The following STK32B variants were observed in gnomAD, a reference collection of about 807,000 sequenced individuals.
The protein encoded by STK32B is serine/threonine-protein kinase 32B.
Under a neutral mutation model 52.6 loss-of-function variants are expected in STK32B, and 43 were observed. The ratio of observed to expected loss-of-function variants is 0.82; its 90% CI spans 0.64 to 1.05. STK32B has a LOEUF of 1.05. Among genes scored for constraint, STK32B ranks in the 50% least tolerant of loss-of-function variants. The probability of loss-of-function intolerance (pLI) is 0.00; values close to 1 mark genes in which losing one functional copy is unlikely to be tolerated. For synonymous variants in STK32B, 238 were observed against 204.3 expected (o/e 1.17, Z -1.41); for missense variants, 621 against 534.6 (o/e 1.16, Z -1.59).
chr4:5,332,886 A>T (rs2108956878), intron 4 of STK32B, among the ~76,000 whole-genome samples: 1 of 152,272 alleles, frequency 6.6e-6, no homozygotes, highest in East Asian at 1.9e-4. Context: ...TTCTTAATCC[A>T]GTTTATCATT....
intron 3 of STK32B, among the ~76,000 whole-genome samples, chr4:5,252,071 A>G (rs1427708958): frequency 2.0e-5 from 3 of 152,196 alleles, no homozygotes; most frequent in Non-Finnish European, 4.4e-5. Context: ...CTTTGAAGAA[A>G]TCCAGCTCAA....
intron 4 of STK32B, among the ~76,000 whole-genome samples, chr4:5,335,078 T>A (rs1249309525): frequency 2.0e-5 from 3 of 152,214 alleles, no homozygotes; most frequent in Non-Finnish European, 4.4e-5. Flanking sequence ...GTACCTCTGG[T>A]AGAATTCGGC....
At chr4:5,151,726 A>G (rs973414816) in intron 2 of STK32B, among the ~76,000 whole-genome samples, 1 of 152,168 alleles carries the variant, frequency 6.6e-6, no homozygotes, top group Non-Finnish European at 1.5e-5. Context: ...TGATGCTAAT[A>G]TATGTTAGTG....
At chr4:5,144,436 G>T (rs1403342685) in intron 2 of STK32B, among the ~76,000 whole-genome samples, 1 of 152,152 alleles carries the variant, frequency 6.6e-6, no homozygotes, top group Non-Finnish European at 1.5e-5. Flanking sequence ...GACTTTAACT[G>T]AATGTGCTTT....
At chr4:5,496,548 C>CCTGCTTCTGCTCGCGCACGGTGCA (rs61698429) in intron 11 of STK32B, among the ~76,000 whole-genome samples, 3 of 137,918 alleles carry the variant, frequency 2.2e-5, no homozygotes, top group Admixed American at 1.4e-4. Context: ...AATGCCTTGC[C>CCTGCTTCTGCTCGCGCACGGTGCA]CTGCACCCAC....
intron 3 of STK32B, among the ~76,000 whole-genome samples, chr4:5,245,324 A>C (rs937791488): frequency 9.2e-5 from 14 of 152,112 alleles, no homozygotes; most frequent in Non-Finnish European, 2.9e-5. Context: ...TCCCTTTACC[A>C]TTATGTAATG....
intron 3 of STK32B, among the ~76,000 whole-genome samples, chr4:5,265,229 C>T (rs1252546676): frequency 6.6e-6 from 1 of 152,182 alleles, no homozygotes; most frequent in Non-Finnish European, 1.5e-5. Flanking sequence ...GCAAAACACC[C>T]ACCTCAGAAT....
At chr4:5,029,101 C>A in the STK32B span, among the ~76,000 whole-genome samples, 1 of 152,142 alleles carries the variant, frequency 6.6e-6, no homozygotes, top group Non-Finnish European at 1.5e-5. Flanking sequence ...TTCCACCAGT[C>A]CCCACCTCCA....
chr4:5,109,912 G>A (rs1276730607), intron 1 of STK32B, among the ~76,000 whole-genome samples: 3 of 151,976 alleles, frequency 2.0e-5, no homozygotes, highest in South Asian at 2.1e-4. Flanking sequence ...AGCAACTTCA[G>A]TAAAGTCTCA....
chr4:5,118,585 C>T (rs1017976865), intron 1 of STK32B, among the ~76,000 whole-genome samples: 2 of 152,204 alleles, frequency 1.3e-5, no homozygotes, highest in Non-Finnish European at 2.9e-5. Context: ...GCCCTGGCCA[C>T]CTGTGCTGAG....
At chr4:5,135,715 GC>G (rs2108826581) in intron 1 of STK32B, among the ~76,000 whole-genome samples, 1 of 152,278 alleles carries the variant, frequency 6.6e-6, no homozygotes, top group East Asian at 1.9e-4. Flanking sequence ...GGTTGTTGCA[GC>G]TCCAGATATC....
At chr4:5,278,463 T>C (rs1032653046) in intron 3 of STK32B, among the ~76,000 whole-genome samples, 5 of 152,138 alleles carry the variant, frequency 3.3e-5, no homozygotes, top group African/African-American at 1.2e-4. Context: ...CCACATAAAC[T>C]GGGGACCTTC....
chr4:5,396,098 A>G lies in STK32B; in HGVS notation c.435-2109A>G, dbSNP rs1483822218. Among the ~76,000 whole-genome samples, 2 of 152,242 alleles carry G rather than the reference A, an allele frequency of 1.3e-5. No individual in the cohort carries two copies. The highest frequency in any genetic ancestry group is 2.9e-5 in the Non-Finnish European group (2 of 68,038). ...TGTGTTAGCTTCCGGGGACTGCCACAGCAAATTACTGCAAAATCGGTGGCT... is the reference window on the plus strand; with the variant it reads ...TGTGTTAGCTTCCGGGGACTGCCACGGCAAATTACTGCAAAATCGGTGGCT... On this transcript the variant is annotated intron_variant, in intron 4 of 11. Coordinates refer to ENST00000282908, the MANE Select transcript of STK32B (RefSeq NM_018401.3). This position sits in a 1 kb window ranked among gnomAD's most constrained non-coding sequence, Gnocchi z 4.7.
chr4:5,475,996 G>A (rs1660161777), intron 11 of STK32B, among the ~76,000 whole-genome samples: 1 of 151,874 alleles, frequency 6.6e-6, no homozygotes, highest in East Asian at 2.0e-4. Context: ...CCAGGTTCAA[G>A]CGATTCTCCT....
At chr4:5,327,733 C>T (rs1577353107) in intron 3 of STK32B, among the ~76,000 whole-genome samples, 2 of 152,178 alleles carry the variant, frequency 1.3e-5, no homozygotes, top group Admixed American at 1.3e-4. Context: ...TGAGCATTGG[C>T]TTCAACTTAA....
At chr4:5,270,939 C>A (rs965589100) in intron 3 of STK32B, among the ~76,000 whole-genome samples, 1 of 152,082 alleles carries the variant, frequency 6.6e-6, no homozygotes, top group Non-Finnish European at 1.5e-5. Flanking sequence ...TCCCTCCACA[C>A]CCCCCGCCCC....
At chr4:5,443,239 C>T (rs977900230) in intron 6 of STK32B, among the ~76,000 whole-genome samples, 198 of 147,328 alleles carry the variant, frequency 1.3e-3, no homozygotes, top group African/African-American at 4.5e-3. Context: ...CTTTCAGGTA[C>T]ACCAATCAGA....
chr4:5,035,874 C>T, the STK32B span, among the ~76,000 whole-genome samples: 19 of 151,668 alleles, frequency 1.3e-4, no homozygotes, highest in Non-Finnish European at 2.1e-4. Context: ...CTCTGCCTCC[C>T]GGGTTCAAGT....
Position 5,400,402 on chromosome 4 carries a change from T to C in STK32B, c.472+2158T>C, listed in dbSNP as rs1299911651. Among the ~76,000 whole-genome samples, 1 of 152,122 alleles carries C rather than the reference T, an allele frequency of 6.6e-6. No homozygotes were observed. Among genetic ancestry groups the C allele is most frequent in the Non-Finnish European group, 1.5e-5 (1 of 68,014 alleles). Reference sequence around the variant, plus strand: ...GAGCTCCTCATCTTTTTCCACCCCCTGCTTGGCCTTCACAGTGTCCCAGCC... The same window carrying C: ...GAGCTCCTCATCTTTTTCCACCCCCCGCTTGGCCTTCACAGTGTCCCAGCC... On this transcript the variant is annotated intron_variant, in intron 5 of 11. Coordinates refer to ENST00000282908, the MANE Select transcript of STK32B (RefSeq NM_018401.3). The surrounding 1 kb of genome is among the most constrained non-coding windows in gnomAD (Gnocchi z 6.1).
Sources: allele counts gnomAD v4.1 joint callset (sites outside exome capture counted in the v4.1 genomes callset), GRCh38; gene constraint gnomAD v4.1.1; non-coding constraint Gnocchi (gnomAD v3.1); transcripts MANE v1.5; gene names NCBI Gene and HGNC (gene_info 2026-07-23, HGNC 2026-07-21).